FHIT: variants seen among roughly 807,000 people sequenced by gnomAD.
FHIT encodes the protein bis(5'-adenosyl)-triphosphatase.
Under a neutral mutation model 17.9 loss-of-function variants are expected in FHIT, and 19 were observed. The observed-to-expected ratio is 1.06, with a 90% CI of 0.74 to 1.56. The LOEUF is 1.56. Ranked by LOEUF, FHIT falls within the 40% of genes most tolerant of loss-of-function variation. The pLI is 0.00. For synonymous variants in FHIT, 81 were observed against 69.7 expected, an observed-to-expected ratio of 1.16 and a Z score of -0.81; for missense variants, 248 against 189.2, an observed-to-expected ratio of 1.31 and a Z score of -1.82.
intron 7 of FHIT, among the ~76,000 whole-genome samples, chr3:59,999,694 G>C (rs13062945): frequency 2.6e-5 from 4 of 151,810 alleles, no homozygotes; most frequent in Admixed American, 1.3e-4. Context: ...ACCCTCTGCC[G>C]CCTCCCAGGT....
intron 5 of FHIT, among the ~76,000 whole-genome samples, chr3:60,331,177 G>A (rs1709953779): frequency 1.3e-5 from 2 of 152,168 alleles, no homozygotes; most frequent in Admixed American, 6.5e-5. Flanking sequence ...CTCCAGGCCT[G>A]TGTACATGAT....
intron 8 of FHIT, among the ~76,000 whole-genome samples, chr3:59,861,373 C>A (rs585448): frequency 6.6e-6 from 1 of 152,104 alleles, no homozygotes; most frequent in East Asian, 1.9e-4. Flanking sequence ...GCCAAACCCA[C>A]TGGGGCCAAA....
intron 5 of FHIT, among the ~76,000 whole-genome samples, chr3:60,521,804 A>T (rs2035377310): frequency 6.6e-6 from 1 of 152,176 alleles, no homozygotes; most frequent in Non-Finnish European, 1.5e-5. Context: ...GACAAGTACA[A>T]ATGTTTTGTA....
At chr3:60,323,879 T>C (rs929653426) in intron 5 of FHIT, among the ~76,000 whole-genome samples, 3 of 152,074 alleles carry the variant, frequency 2.0e-5, no homozygotes, top group Non-Finnish European at 4.4e-5. Flanking sequence ...ATAAGGAAGA[T>C]TAGCAAATAC....
chr3:60,348,632 C>A (rs1710918135), intron 5 of FHIT, among the ~76,000 whole-genome samples: 1 of 148,200 alleles, frequency 6.7e-6, no homozygotes, highest in Non-Finnish European at 1.5e-5. Context: ...GGCACCTAGA[C>A]CACAGCTCTT....
At chr3:60,183,053 T>C (rs929996743) in intron 5 of FHIT, among the ~76,000 whole-genome samples, 1 of 152,174 alleles carries the variant, frequency 6.6e-6, no homozygotes, top group Non-Finnish European at 1.5e-5. Flanking sequence ...TGACATCTTC[T>C]GAATAAAGTA....
chr3:60,149,043 A>G (rs1449058641), intron 5 of FHIT, among the ~76,000 whole-genome samples: 3 of 152,192 alleles, frequency 2.0e-5, no homozygotes, highest in Admixed American at 6.5e-5. Context: ...AGTTGTTGAC[A>G]TGCCAGGGAA....
chr3:60,750,931 C>G lies in FHIT; in HGVS notation c.-18+70988G>C, dbSNP rs782069534. On this transcript the variant is annotated intron_variant, in intron 4 of 9. Transcript: ENST00000492590. ...AATCCCACCCCTCTTAATACTAAAG[C>G]CTTCTTCCCACATCCCCTGATTGCT... Among the ~76,000 whole-genome samples the G allele has an allele frequency of 1.8e-4, 28 of 152,166 alleles. 1 individual carries two copies. The highest frequency in any genetic ancestry group is 3.5e-4 in the Non-Finnish European group (24 of 68,026).
At chr3:60,209,598 A>C (rs903558870) in intron 5 of FHIT, among the ~76,000 whole-genome samples, 5 of 152,126 alleles carry the variant, frequency 3.3e-5, no homozygotes, top group South Asian at 2.1e-4. Context: ...TTTGTTTAGG[A>C]AAGTTGTGTG....
intron 3 of FHIT, among the ~76,000 whole-genome samples, chr3:60,983,807 TCTTTGTA>T (rs923268395): frequency 6.6e-6 from 1 of 152,176 alleles, no homozygotes; most frequent in African/African-American, 2.4e-5. Context: ...ATGGCAGACA[TCTTTGTA>T]CTTTGTACTT....
At chr3:60,724,767 G>T (rs2107972176) in intron 4 of FHIT, among the ~76,000 whole-genome samples, 1 of 149,186 alleles carries the variant, frequency 6.7e-6, no homozygotes, top group East Asian at 2.0e-4. Context: ...TGCTGCCTTA[G>T]CCTCATGAGT....
rs1244693566 is a variant in FHIT, at chr3:61,105,879, T to C, written c.-163-63780A>G. Among the ~76,000 whole-genome samples the C allele has an allele frequency of 2.6e-5, 4 of 152,360 alleles. No individual in the cohort carries two copies. The East Asian group carries it at 7.7e-4, about 29-fold the overall frequency. On this transcript the variant is annotated intron_variant, in intron 2 of 9. Coordinates refer to ENST00000492590, the MANE Select transcript of FHIT (RefSeq NM_002012.4). Reference sequence around the variant, plus strand: ...AGACGCTTTCAGCCTCCAGCAACTGTTGCATTTTTACAATGGTAAAAGGCA... The same window carrying C: ...AGACGCTTTCAGCCTCCAGCAACTGCTGCATTTTTACAATGGTAAAAGGCA...
Position 60,614,838 on chromosome 3 carries a change from TTTTG to T in FHIT, c.-17-77863_-17-77860del, listed in dbSNP as rs1194894474. On this transcript the variant is annotated intron_variant, in intron 4 of 9. Transcript: ENST00000492590. ...TTTTTTTGTTTTTTTTTTGTTTTTT[TTTTG>T]TTTTTTGAGATGGAGCCCTGCTCTG... 2.7e-4 allele frequency among the ~76,000 whole-genome samples: 19 copies of T among 71,366 alleles called. 1 individual carries two copies. The highest frequency in any genetic ancestry group is 5.2e-4 in the Non-Finnish European group (14 of 26,706). 46.8% of individuals were successfully genotyped at this position (71,366 alleles called of 152,430 possible).
chr3:59,769,614 TAACTTA>T (rs1229063672), intron 8 of FHIT, among the ~76,000 whole-genome samples: 5 of 152,256 alleles, frequency 3.3e-5, no homozygotes, highest in African/African-American at 1.2e-4. Flanking sequence ...TTAGTCTAAT[TAACTTA>T]AACTTGATAA....
intron 3 of FHIT, among the ~76,000 whole-genome samples, chr3:61,028,588 A>G (rs1176979832): frequency 6.6e-6 from 1 of 152,184 alleles, no homozygotes; most frequent in Non-Finnish European, 1.5e-5. Flanking sequence ...CTCTTTCACT[A>G]ACTGTGTGAA....
intron 1 of FHIT, among the ~76,000 whole-genome samples, chr3:61,215,357 T>C (rs183696801): frequency 0.047 from 7,172 of 151,974 alleles, 250 homozygotes; most frequent in South Asian, 0.09. Flanking sequence ...AGCATTCTTA[T>C]ACACCAATAA....
intron 5 of FHIT, among the ~76,000 whole-genome samples, chr3:60,107,758 C>G (rs1194034903): frequency 6.6e-6 from 1 of 152,180 alleles, no homozygotes; most frequent in Non-Finnish European, 1.5e-5. Flanking sequence ...GGTCTGATAT[C>G]ATCTGTTTCT....
At chr3:61,130,326 T>C (rs1159978051) in intron 2 of FHIT, among the ~76,000 whole-genome samples, 1 of 152,212 alleles carries the variant, frequency 6.6e-6, no homozygotes, top group Non-Finnish European at 1.5e-5. Flanking sequence ...ATGAGTCCTC[T>C]GCTCAGTGCC....
chr3:60,869,162 C>T (rs1326589963), intron 3 of FHIT, among the ~76,000 whole-genome samples: 5 of 152,182 alleles, frequency 3.3e-5, no homozygotes, highest in African/African-American at 9.6e-5. Context: ...AAAGATAATA[C>T]CTATTTCACC....
Sources: allele counts gnomAD v4.1 joint callset (sites outside exome capture counted in the v4.1 genomes callset), GRCh38; gene constraint gnomAD v4.1.1; transcripts MANE v1.5; gene names NCBI Gene and HGNC (gene_info 2026-07-23, HGNC 2026-07-21).